Variants in PPME1 observed in about 807,000 individuals in gnomAD.
PPME1 encodes testicular secretory protein Li 39.
A neutral mutation model predicts 56.9 loss-of-function variants in PPME1; 17 were observed. That is an observed-to-expected ratio of 0.30 (90% CI 0.20 to 0.45). The LOEUF (loss-of-function observed/expected upper bound fraction) is 0.45, where lower values mean the gene tolerates loss of function less well. PPME1 is among the 20% of genes least tolerant of loss of function. PPME1 has a pLI of 1.00. For synonymous variants in PPME1, 122 were observed against 156.2 expected (o/e 0.78, Z 1.63); for missense variants, 357 against 483.2 (o/e 0.74, Z 2.45).
intron 9 of PPME1, among the ~76,000 whole-genome samples, chr11:74,242,921 A>G (rs1464556291): frequency 6.6e-6 from 1 of 151,310 alleles, no homozygotes; most frequent in Admixed American, 6.6e-5. Flanking sequence ...GAAGAAATTA[A>G]GTAACTTTCC....
intron 9 of PPME1, among the ~76,000 whole-genome samples, chr11:74,244,006 T>C (rs1859444507): frequency 6.6e-6 from 1 of 152,240 alleles, no homozygotes; most frequent in Non-Finnish European, 1.5e-5. Context: ...TTTAGATACC[T>C]CATATAAGTG....
chr11:74,171,387 C>T lies in PPME1; in HGVS notation c.-35C>T, dbSNP rs1414930533. The T allele has an allele frequency of 6.3e-7, 1 of 1,589,406 alleles. No homozygotes were observed. Among genetic ancestry groups the T allele is most frequent in the Non-Finnish European group, 8.6e-7 (1 of 1,167,706 alleles). ...CACTCAACGTGGGACGAAGCTTCGC[C>T]TACTGTTTGACTACGTGCGTGCAGC... On this transcript the variant is annotated 5_prime_UTR_variant, in exon 1 of 14. Coordinates refer to ENST00000328257, the MANE Select transcript of PPME1 (RefSeq NM_016147.3).
At chr11:74,199,001 T>G (rs1362081195) in intron 1 of PPME1, 7 of 152,264 alleles carry the variant, frequency 4.6e-5, no homozygotes, top group Non-Finnish European at 8.8e-5. Context: ...TCAGCTTCTT[T>G]TAGCTTTTCA....
intron 1 of PPME1, among the ~76,000 whole-genome samples, chr11:74,185,231 C>CTCGT (rs1857647538): frequency 6.6e-6 from 1 of 151,930 alleles, no homozygotes; most frequent in Non-Finnish European, 1.5e-5. Context: ...AACTCCTGAC[C>CTCGT]TCGTGATCCA....
intron 11 of PPME1, 21 bp downstream of exon 11, chr11:74,247,144 A>ATTAT: frequency 6.3e-7 from 1 of 1,594,914 alleles, no homozygotes; most frequent in South Asian, 1.1e-5. Context: ...AAGAAATTAT[A>ATTAT]CCCCTGGACC....
chr11:74,225,143 A>G (rs1858901625), intron 4 of PPME1, 62 bp from the exon 5 acceptor site: 4 of 1,146,328 alleles, frequency 3.5e-6, no homozygotes, highest in South Asian at 1.5e-5. Flanking sequence ...TTAAAAGAGA[A>G]TACTTCTGCT....
intron 1 of PPME1, among the ~76,000 whole-genome samples, chr11:74,198,149 C>G (rs1459604481): frequency 6.6e-6 from 1 of 152,122 alleles, no homozygotes; most frequent in East Asian, 1.9e-4. Flanking sequence ...TTATTAATTT[C>G]TCTGTTCAAA....
At chr11:74,193,448 TTGTGTA>T (rs1310311056) in intron 1 of PPME1, among the ~76,000 whole-genome samples, 1 of 152,226 alleles carries the variant, frequency 6.6e-6, no homozygotes, top group African/African-American at 2.4e-5. Flanking sequence ...GGATATCTCA[TTGTGTA>T]TATGCAGATA....
chr11:74,252,700 T>G (rs60041577), intron 13 of PPME1: 5,558 of 344,200 alleles, frequency 0.016, 252 homozygotes, highest in African/African-American at 0.1. Context: ...CACACACGGT[T>G]TTGACAAACA....
At chr11:74,201,071 G>C (rs529034647) in intron 1 of PPME1, among the ~76,000 whole-genome samples, 85 of 152,038 alleles carry the variant, frequency 5.6e-4, no homozygotes, top group Admixed American at 1.9e-3. Flanking sequence ...CGCCTCCCGG[G>C]TTCATGCCAT....
At chr11:74,216,663 A>G (rs1168991994) in intron 3 of PPME1, among the ~76,000 whole-genome samples, 1 of 152,140 alleles carries the variant, frequency 6.6e-6, no homozygotes, top group Non-Finnish European at 1.5e-5. Flanking sequence ...AAATGAAATC[A>G]AAACAAAAAA....
intron 12 of PPME1, chr11:74,251,414 A>G: frequency 1.4e-6 from 2 of 1,390,146 alleles, no homozygotes; most frequent in Non-Finnish European, 1.9e-6. Context: ...GGGCACACAT[A>G]AGCCCTTCAC....
rs544145518 is a variant in PPME1, at chr11:74,248,200, T to A, written c.1009+1077T>A. ...AAGGTGAAGCCAGTAGGCATACAAC[T>A]TTTGGGTTATGGGAAGAAGAGGTGC... On this transcript the variant is annotated intron_variant, in intron 11 of 13. Coordinates refer to ENST00000328257, the MANE Select transcript of PPME1 (RefSeq NM_016147.3). The A allele has an allele frequency of 3.9e-5, 6 of 152,392 alleles. No individual in the cohort carries two copies. In the East Asian group the frequency reaches 1.2e-3, roughly 29 times the overall value. The allele number at this position is 152,392 out of a possible 1,614,324, so 9.4% of individuals were successfully genotyped here. A position where few individuals can be genotyped will look rare whatever the true frequency, so the allele number is the denominator to read the frequency against.
intron 1 of PPME1, among the ~76,000 whole-genome samples, chr11:74,184,403 T>C (rs1857617506): frequency 6.6e-6 from 1 of 152,210 alleles, no homozygotes; most frequent in Admixed American, 6.5e-5. Flanking sequence ...TTTATAACAC[T>C]GTTGGGAGAA....
chr11:74,243,004 GT>G (rs1426093255), intron 9 of PPME1, among the ~76,000 whole-genome samples: 2 of 151,702 alleles, frequency 1.3e-5, no homozygotes, highest in East Asian at 3.9e-4. Flanking sequence ...GACACAAAGC[GT>G]TATGTTTTTA....
chr11:74,208,791 G>A (rs1858396173), intron 3 of PPME1, among the ~76,000 whole-genome samples: 1 of 152,236 alleles, frequency 6.6e-6, no homozygotes, highest in Admixed American at 6.5e-5. Context: ...TTTCATAAGA[G>A]AGGACATCTG....
In PPME1 at chr11:74,200,510, G is replaced by A. The variant is rs528055652; in HGVS notation, c.102-3218G>A. ...GATTCTCCTGCTTCAGCCTTCCCGA[G>A]TAGCTGGGACTACAGGTGCGTGCCA... On this transcript the variant is annotated intron_variant, in intron 1 of 13. Coordinates refer to ENST00000328257, the MANE Select transcript of PPME1 (RefSeq NM_016147.3). 6.7e-4 allele frequency among the ~76,000 whole-genome samples: 102 copies of A among 152,178 alleles called. No homozygotes were observed. In the East Asian group the frequency reaches 7.0e-3, roughly 10 times the overall value.
At chr11:74,183,939 T>C (rs987257871) in intron 1 of PPME1, among the ~76,000 whole-genome samples, 2 of 152,204 alleles carry the variant, frequency 1.3e-5, no homozygotes, top group Admixed American at 1.3e-4. Context: ...TTTAGAATTG[T>C]CCATCCTGAA....
At chr11:74,211,530 G>A (rs1187957863) in intron 3 of PPME1, among the ~76,000 whole-genome samples, 2 of 152,082 alleles carry the variant, frequency 1.3e-5, no homozygotes, top group Non-Finnish European at 2.9e-5. Context: ...ATAACAAATC[G>A]TAAGAAAATT....
Sources: allele counts gnomAD v4.1 joint callset (sites outside exome capture counted in the v4.1 genomes callset), GRCh38; gene constraint gnomAD v4.1.1; transcripts MANE v1.5; gene names NCBI Gene and HGNC (gene_info 2026-07-23, HGNC 2026-07-21).